Variants in CDH8 observed in about 807,000 individuals in gnomAD.
CDH8 encodes the protein cadherin 8.
In CDH8, 17 loss-of-function variants were observed where a neutral mutation model predicts 68.1. The ratio of observed to expected loss-of-function variants is 0.25; its 90% confidence interval spans 0.17 to 0.37. CDH8 has a LOEUF of 0.37. Ranked by LOEUF, CDH8 falls within the 10% of genes least tolerant of loss-of-function variation. CDH8 has a pLI of 1.00. For missense variants in CDH8, 763 were observed against 999.3 expected (o/e 0.76, Z 3.19); for synonymous variants, 372 against 365.1 (o/e 1.02, Z -0.21).
chr16:61,930,901 G>T (rs1256177377), intron 2 of CDH8, among the ~76,000 whole-genome samples: 1 of 152,210 alleles, frequency 6.6e-6, no homozygotes, highest in Non-Finnish European at 1.5e-5. Context: ...ATTCTTCAAT[G>T]TGTAGCTTGA....
intron 3 of CDH8, among the ~76,000 whole-genome samples, chr16:61,889,912 T>C (rs1963743898): frequency 6.6e-6 from 1 of 152,206 alleles, no homozygotes; most frequent in African/African-American, 2.4e-5. Flanking sequence ...CCTCTACCTG[T>C]AATACAAAGT....
At chr16:61,847,905 AC>A (rs1962846204) in intron 4 of CDH8, among the ~76,000 whole-genome samples, 1 of 97,812 alleles carries the variant, frequency 1.0e-5, no homozygotes, top group Non-Finnish European at 2.0e-5. Flanking sequence ...ACACACACAG[AC>A]AAACACACAC....
At chr16:61,926,232 C>T (rs773479347) in intron 2 of CDH8, among the ~76,000 whole-genome samples, 2 of 149,210 alleles carry the variant, frequency 1.3e-5, no homozygotes, top group African/African-American at 5.0e-5. Flanking sequence ...AATCTATGTT[C>T]CAAATATGGG....
At chr16:61,964,411 T>C (rs1965211371) in intron 2 of CDH8, among the ~76,000 whole-genome samples, 1 of 152,058 alleles carries the variant, frequency 6.6e-6, no homozygotes, top group Non-Finnish European at 1.5e-5. Flanking sequence ...CAATGGACCA[T>C]TTAGACACTC....
intron 10 of CDH8, among the ~76,000 whole-genome samples, chr16:61,669,835 C>T (rs1173197123): frequency 1.3e-5 from 2 of 152,082 alleles, no homozygotes; most frequent in African/African-American, 4.8e-5. Flanking sequence ...TCCTTCATCT[C>T]TCTGCACCTC....
intron 10 of CDH8, among the ~76,000 whole-genome samples, chr16:61,678,225 C>G (rs968742581): frequency 1.3e-5 from 2 of 152,060 alleles, no homozygotes; most frequent in Admixed American, 6.6e-5. Context: ...TCTCATGTCT[C>G]TCTAAAATGT....
intron 2 of CDH8, among the ~76,000 whole-genome samples, chr16:61,912,262 G>A (rs1964174747): frequency 6.6e-6 from 1 of 151,964 alleles, no homozygotes; most frequent in South Asian, 2.1e-4. Flanking sequence ...AGTTTCATTT[G>A]GGCCATAAAA....
intron 2 of CDH8, among the ~76,000 whole-genome samples, chr16:61,909,255 T>C (rs535765137): frequency 5.9e-5 from 9 of 152,098 alleles, no homozygotes; most frequent in Admixed American, 5.9e-4. Context: ...AAATAGAAAA[T>C]TGAAAACATG....
At chr16:61,779,126 T>C (rs1245358656) in intron 8 of CDH8, among the ~76,000 whole-genome samples, 1 of 152,194 alleles carries the variant, frequency 6.6e-6, no homozygotes, top group Non-Finnish European at 1.5e-5. Context: ...ATGTACTTTC[T>C]ACAAATGCCA....
intron 7 of CDH8, among the ~76,000 whole-genome samples, chr16:61,797,189 A>T (rs1322641425): frequency 6.6e-6 from 1 of 152,050 alleles, no homozygotes; most frequent in Non-Finnish European, 1.5e-5. Flanking sequence ...CCAATGCTAC[A>T]TATCCACACA....
chr16:61,782,252 C>A (rs1321268222), intron 8 of CDH8, among the ~76,000 whole-genome samples: 3 of 152,198 alleles, frequency 2.0e-5, no homozygotes, highest in African/African-American at 7.2e-5. Context: ...CGAGCCGAAG[C>A]AGGGCGAGGC....
intron 3 of CDH8, among the ~76,000 whole-genome samples, chr16:61,890,357 C>A (rs554467545): frequency 4.7e-4 from 64 of 137,186 alleles, no homozygotes; most frequent in African/African-American, 1.8e-3. Flanking sequence ...GGGTATATAG[C>A]TAAATTGGCT....
chr16:61,896,308 T>C (rs527353764), intron 3 of CDH8, among the ~76,000 whole-genome samples: 6 of 152,350 alleles, frequency 3.9e-5, no homozygotes, highest in African/African-American at 1.4e-4. Context: ...AATATATATG[T>C]GCGTTTTGTC....
chr16:62,023,294 A>G (rs1902117870), intron 1 of CDH8, among the ~76,000 whole-genome samples: 1 of 152,120 alleles, frequency 6.6e-6, no homozygotes, highest in African/African-American at 2.4e-5. Context: ...AGTTGGTGAT[A>G]AGGCATCTTG....
chr16:61,844,400 T>G (rs1447291951), intron 4 of CDH8, among the ~76,000 whole-genome samples: 5 of 152,136 alleles, frequency 3.3e-5, no homozygotes, highest in Non-Finnish European at 7.4e-5. Flanking sequence ...CTGCACGTTG[T>G]GCACATGTAC....
rs530907432 is a variant in CDH8, at chr16:61,960,051, G to GTATACACATACATATATACATA, written c.253-58579_253-58578insTATGTATATATGTATGTGTATA. ...ACACACACACACAACATATATGTAT[G>GTATACACATACATATATACATA]TATGTGTGTGTGTATACACATACAT... On this transcript the variant is annotated intron_variant, in intron 2 of 11. Transcript: ENST00000577390. Among the ~76,000 whole-genome samples the GTATACACATACATATATACATA allele has an allele frequency of 1.5e-4, 7 of 46,872 alleles. 3 individuals are homozygous for GTATACACATACATATATACATA. The highest frequency in any genetic ancestry group is 9.3e-4 in the African/African-American group (7 of 7,488). The allele number at this position is 46,872 out of a possible 152,430, so 30.7% of individuals were successfully genotyped here.
chr16:61,816,792 T>C (rs968278484), intron 7 of CDH8, among the ~76,000 whole-genome samples: 4 of 152,076 alleles, frequency 2.6e-5, no homozygotes, highest in Non-Finnish European at 5.9e-5. Context: ...TGGAGCTTCA[T>C]TTCTAAAAAA....
intron 3 of CDH8, among the ~76,000 whole-genome samples, chr16:61,888,456 C>T (rs1963716929): frequency 6.6e-6 from 1 of 152,122 alleles, no homozygotes; most frequent in Non-Finnish European, 1.5e-5. Flanking sequence ...AAGGTCTAAT[C>T]CCTATAATAA....
At chr16:61,916,978 G>A (rs1368552402) in intron 2 of CDH8, among the ~76,000 whole-genome samples, 2 of 152,090 alleles carry the variant, frequency 1.3e-5, no homozygotes, top group Admixed American at 6.6e-5. Flanking sequence ...TTTTGCATGT[G>A]AGAACTGAGG....
Sources: gnomAD v4.1 joint callset for allele counts (sites outside exome capture counted in the v4.1 genomes callset) on GRCh38, gnomAD v4.1.1 for gene constraint, MANE v1.5 for transcripts, NCBI Gene and HGNC (gene_info 2026-07-23, HGNC 2026-07-21) for gene names.